The following TDRD3 variants were observed in gnomAD, a reference collection of about 807,000 sequenced individuals.
TDRD3 encodes tudor domain containing 3, also known as tudor domain-containing protein 3.
TDRD3 carries 45 observed loss-of-function variants against 86.7 expected under a neutral mutation model. The observed-to-expected ratio is 0.52, with a 90% CI of 0.41 to 0.67. TDRD3 has a LOEUF of 0.67. TDRD3 is among the 30% of genes least tolerant of loss of function. The probability of loss-of-function intolerance (pLI) is 0.00; values close to 1 mark genes in which losing one functional copy is unlikely to be tolerated. For missense variants in TDRD3, 814 were observed against 889.0 expected (o/e 0.92, Z 1.07); for synonymous variants, 298 against 301.7 (o/e 0.99, Z 0.13).
intron 6 of TDRD3, among the ~76,000 whole-genome samples, chr13:60,484,283 T>C (rs2137505259): frequency 6.6e-6 from 1 of 152,300 alleles, no homozygotes; most frequent in South Asian, 2.1e-4. Context: ...GTGACTTCAC[T>C]TGTCTTCAGC....
intron 10 of TDRD3, among the ~76,000 whole-genome samples, chr13:60,512,771 C>T (rs1957087056): frequency 6.6e-6 from 1 of 152,226 alleles, no homozygotes; most frequent in Non-Finnish European, 1.5e-5. Context: ...TCTTGGGCAG[C>T]TCTGCCTCTG....
chr13:60,446,201 G>C lies in TDRD3; in HGVS notation c.192+1453G>C, dbSNP rs577176891. On this transcript the variant is annotated intron_variant, in intron 3 of 13. Coordinates refer to ENST00000377881, the MANE Select transcript of TDRD3 (RefSeq NM_001146070.2). ...CCAACACAATATTAATAAACTAATAGTTTTCTAGAATTATTATTCACAGAA... is the reference window on the plus strand; with the variant it reads ...CCAACACAATATTAATAAACTAATACTTTTCTAGAATTATTATTCACAGAA... 2.6e-5 allele frequency among the ~76,000 whole-genome samples: 4 copies of C among 151,834 alleles called. No individual in the cohort carries two copies. The East Asian group carries it at 7.7e-4, about 29-fold the overall frequency.
intron 4 of TDRD3, among the ~76,000 whole-genome samples, chr13:60,464,571 T>TACACACACACACATAC (rs964932274): frequency 6.8e-6 from 1 of 148,090 alleles, no homozygotes; most frequent in Non-Finnish European, 1.5e-5. Flanking sequence ...TGTATACACA[T>TACACACACACACATAC]ACACACACAC....
intron 11 of TDRD3, 53 bp from the exon 12 acceptor site, chr13:60,535,055 C>A (rs1166512111): frequency 1.3e-6 from 2 of 1,590,292 alleles, no homozygotes; most frequent in African/African-American, 1.4e-5. Flanking sequence ...TCAAATATTG[C>A]CCTTTATAGA....
chr13:60,543,512 A>G (rs2137860496), intron 12 of TDRD3, among the ~76,000 whole-genome samples: 1 of 152,212 alleles, frequency 6.6e-6, no homozygotes, highest in Non-Finnish European at 1.5e-5. Flanking sequence ...CCTGTATAGA[A>G]CCTATTATAC....
chr13:60,398,048 G>C (rs1331710068), intron 1 of TDRD3, among the ~76,000 whole-genome samples: 1 of 152,208 alleles, frequency 6.6e-6, no homozygotes, highest in Admixed American at 6.5e-5. Flanking sequence ...TTTCTTGAAA[G>C]GATGGTGTTC....
chr13:60,436,455 T>C (rs1367121714), intron 1 of TDRD3, among the ~76,000 whole-genome samples: 2 of 152,168 alleles, frequency 1.3e-5, no homozygotes, highest in Admixed American at 6.6e-5. Context: ...TTGTATAAGG[T>C]GAGAGACGGG....
Position 60,474,193 on chromosome 13 carries a change from T to C in TDRD3, c.495+6814T>C, listed in dbSNP as rs138105306. ...TGGCGTAAGCTGTCCTCTCTCTCTC[T>C]CCGCCTTGGCTGCCAAACAGGGAAG... On this transcript the variant is annotated intron_variant, in intron 5 of 13. Transcript: ENST00000377881. Among the ~76,000 whole-genome samples the C allele has an allele frequency of 9.4e-3, 1,425 of 152,314 alleles. 21 individuals carry two copies. Among genetic ancestry groups the C allele is most frequent in the African/African-American group, 0.032 (1,328 of 41,562 alleles).
chr13:60,435,910 C>T (rs986270177), intron 1 of TDRD3, among the ~76,000 whole-genome samples: 4 of 109,486 alleles, frequency 3.7e-5, no homozygotes, highest in Admixed American at 9.3e-5. Flanking sequence ...ATCATGACAA[C>T]ATCTATGGTT....
chr13:60,552,840 C>T (rs2137909069), intron 12 of TDRD3, among the ~76,000 whole-genome samples: 1 of 152,372 alleles, frequency 6.6e-6, no homozygotes, highest in East Asian at 1.9e-4. Flanking sequence ...GAAGCCACAG[C>T]CCAAGTTGCA....
chr13:60,418,504 G>A (rs1191471333), intron 1 of TDRD3, among the ~76,000 whole-genome samples: 1 of 151,866 alleles, frequency 6.6e-6, no homozygotes, highest in Non-Finnish European at 1.5e-5. Flanking sequence ...TTGAATTCTT[G>A]GGACTAGTAC....
intron 4 of TDRD3, among the ~76,000 whole-genome samples, chr13:60,465,894 G>A (rs1486179997): frequency 1.3e-5 from 2 of 152,110 alleles, no homozygotes; most frequent in African/African-American, 4.8e-5. Context: ...GAGAAGAGAT[G>A]GGGTGGGGCT....
chr13:60,482,979 A>G (rs558529308), intron 5 of TDRD3, among the ~76,000 whole-genome samples: 8 of 152,228 alleles, frequency 5.3e-5, no homozygotes, highest in African/African-American at 1.9e-4. Context: ...GTATATATTA[A>G]TACCTCAAAA....
chr13:60,520,835 T>C (rs78535575), intron 10 of TDRD3, among the ~76,000 whole-genome samples: 3 of 216 alleles, frequency 0.014, no homozygotes, highest in Non-Finnish European at 0.029. Context: ...GCTCAGTGGT[T>C]AGGACTGGAA....
At chr13:60,479,875 T>G (rs1956273857) in intron 5 of TDRD3, among the ~76,000 whole-genome samples, 1 of 152,218 alleles carries the variant, frequency 6.6e-6, no homozygotes, top group African/African-American at 2.4e-5. Context: ...TCCCTTTACC[T>G]TGAGCCTCTG....
At chr13:60,563,294 GGTAA>G (rs1190289977) in intron 12 of TDRD3, among the ~76,000 whole-genome samples, 6 of 151,618 alleles carry the variant, frequency 4.0e-5, no homozygotes, top group Non-Finnish European at 1.5e-5. Flanking sequence ...CTGGAGCTGA[GGTAA>G]GTATCTAAGT....
rs151069203 is a variant in TDRD3 at position 60,520,951 on chromosome 13, G to C, written c.1142-7416G>C. Among the ~76,000 whole-genome samples the C allele has an allele frequency of 5.0e-3, 757 of 152,334 alleles. 3 individuals carry two copies. Among genetic ancestry groups the C allele is most frequent in the Middle Eastern group, 0.024 (7 of 294 alleles). On this transcript the variant is annotated intron_variant, in intron 10 of 13. Coordinates refer to ENST00000377881, the MANE Select transcript of TDRD3 (RefSeq NM_001146070.2). ...AATCGTTACCATAATCCTGTGGAAA[G>C]AATCATTACTGATATTTTACAAATG... is the stretch of plus-strand genomic sequence containing the variant.
chr13:60,555,805 T>C (rs1029214953), intron 12 of TDRD3, among the ~76,000 whole-genome samples: 3 of 151,560 alleles, frequency 2.0e-5, no homozygotes, highest in Non-Finnish European at 4.4e-5. Flanking sequence ...TTCAAGGTGA[T>C]AGAAGTATTT....
chr13:60,427,059 C>T (rs1199739056), intron 1 of TDRD3, among the ~76,000 whole-genome samples: 1 of 152,118 alleles, frequency 6.6e-6, no homozygotes, highest in Non-Finnish European at 1.5e-5. Flanking sequence ...AGAAAAGATA[C>T]AGTAAAAATA....
Sources: allele counts gnomAD v4.1 joint callset (sites outside exome capture counted in the v4.1 genomes callset), GRCh38; gene constraint gnomAD v4.1.1; transcripts MANE v1.5; gene names NCBI Gene and HGNC (gene_info 2026-07-23, HGNC 2026-07-21).